Variants in ZNF469 observed in about 807,000 individuals in gnomAD.
ZNF469 encodes zinc finger protein 469.
In ZNF469, 1 loss-of-function variant was observed where a neutral mutation model predicts 1.0. The ratio of observed to expected loss-of-function variants is 1.00; its 90% CI spans 0.35 to 4.73. The LOEUF (loss-of-function observed/expected upper bound fraction) is 4.73, where lower values mean the gene tolerates loss of function less well. ZNF469 is among the 30% of genes most tolerant of loss of function. The probability of loss-of-function intolerance (pLI) is 0.16; values close to 1 mark genes in which losing one functional copy is unlikely to be tolerated. For synonymous variants in ZNF469, 2,703 were observed against 2,363.4 expected (o/e 1.14, Z -4.17); for missense variants, 6,100 against 5,356.3 (o/e 1.14, Z -4.33).
chr16:88,169,531 A>G, the ZNF469 span, among the ~76,000 whole-genome samples: 1 of 152,188 alleles, frequency 6.6e-6, no homozygotes, highest in East Asian at 1.9e-4. The surrounding 1 kb of genome is among the most constrained non-coding windows in gnomAD (Gnocchi z 6.1). Context: ...TCCAGGTTGC[A>G]GCCCATCTCC....
At chr16:88,238,882 C>T in the ZNF469 span, among the ~76,000 whole-genome samples, 17 of 152,238 alleles carry the variant, frequency 1.1e-4, no homozygotes, top group Admixed American at 3.9e-4. Context: ...TCTGAAAGTT[C>T]CTGCCCCTCA....
At chr16:88,421,163 G>C (rs955977669) in intron 1 of ZNF469, among the ~76,000 whole-genome samples, 2 of 152,166 alleles carry the variant, frequency 1.3e-5, no homozygotes, top group African/African-American at 4.8e-5. Flanking sequence ...CAGAAGCGTG[G>C]GGGCAGGAGC....
chr16:88,366,773 C>T, the ZNF469 span, among the ~76,000 whole-genome samples: 14 of 151,876 alleles, frequency 9.2e-5, no homozygotes, highest in Non-Finnish European at 1.8e-4. Context: ...TCACCGCCAT[C>T]GCCACCGTCA....
At chr16:88,300,314 G>A in the ZNF469 span, among the ~76,000 whole-genome samples, 1 of 152,256 alleles carries the variant, frequency 6.6e-6, no homozygotes, top group East Asian at 1.9e-4. Context: ...ATTTACAGTC[G>A]GGAGACCCAA....
chr16:88,359,335 T>C, the ZNF469 span, among the ~76,000 whole-genome samples: 4 of 151,772 alleles, frequency 2.6e-5, no homozygotes, highest in South Asian at 8.3e-4. Flanking sequence ...TGCTATTGTC[T>C]GCTTCTGAGC....
At chr16:88,347,484 G>A in the ZNF469 span, among the ~76,000 whole-genome samples, 1 of 152,136 alleles carries the variant, frequency 6.6e-6, no homozygotes, top group Non-Finnish European at 1.5e-5. Flanking sequence ...GAGAGGCCCG[G>A]AGCAGACCCT....
chr16:88,331,216 TCAC>T, the ZNF469 span, among the ~76,000 whole-genome samples: 124 of 131,722 alleles, frequency 9.4e-4, 1 homozygote, highest in African/African-American at 3.2e-3. Flanking sequence ...ATCACAACCG[TCAC>T]CACCACCACC....
the ZNF469 span, among the ~76,000 whole-genome samples, chr16:88,238,996 G>A: frequency 6.6e-6 from 1 of 152,216 alleles, no homozygotes; most frequent in African/African-American, 2.4e-5. Flanking sequence ...GGCTGGGTGA[G>A]TCACTGCCCC....
chr16:88,123,773 A>G, the ZNF469 span, among the ~76,000 whole-genome samples: 19 of 152,240 alleles, frequency 1.2e-4, no homozygotes, highest in African/African-American at 4.1e-4. Context: ...CCTCTTTGCA[A>G]TCTGTGATGA....
chr16:88,175,341 C>T, the ZNF469 span, among the ~76,000 whole-genome samples: 15 of 152,200 alleles, frequency 9.9e-5, no homozygotes, highest in Non-Finnish European at 1.6e-4. Flanking sequence ...ACCTGAAGAA[C>T]GTTACCAATC....
At chr16:88,221,202 G>A in the ZNF469 span, among the ~76,000 whole-genome samples, 1 of 152,234 alleles carries the variant, frequency 6.6e-6, no homozygotes, top group East Asian at 1.9e-4. Flanking sequence ...TGAGGGCTTC[G>A]GGTAAGGACA....
At chr16:88,276,769 C>G in the ZNF469 span, among the ~76,000 whole-genome samples, 62,809 of 151,950 alleles carry the variant, frequency 0.41, 13,811 homozygotes, top group African/African-American at 0.57. Context: ...TTAGTGCCAC[C>G]CTACGCTGAC....
At chr16:88,180,538 G>A in the ZNF469 span, among the ~76,000 whole-genome samples, 1 of 152,158 alleles carries the variant, frequency 6.6e-6, no homozygotes, top group Non-Finnish European at 1.5e-5. Flanking sequence ...TTGGGAGGCC[G>A]AGGCGGGTGG....
At chr16:88,159,084 C>T in the ZNF469 span, among the ~76,000 whole-genome samples, 1 of 150,752 alleles carries the variant, frequency 6.6e-6, no homozygotes, top group Non-Finnish European at 1.5e-5. Flanking sequence ...ATGGACCACT[C>T]TCACCGTCCT....
chr16:88,306,696 C>A, the ZNF469 span, among the ~76,000 whole-genome samples: 2 of 152,298 alleles, frequency 1.3e-5, no homozygotes, highest in African/African-American at 4.8e-5. Flanking sequence ...GACAGGGCAA[C>A]CCAGGACCCT....
At chr16:88,143,743 C>T in the ZNF469 span, among the ~76,000 whole-genome samples, 1 of 152,258 alleles carries the variant, frequency 6.6e-6, no homozygotes, top group East Asian at 1.9e-4. Flanking sequence ...GTGAACAAGT[C>T]GCAGCCTTGC....
chr16:88,359,310 T>C, the ZNF469 span, among the ~76,000 whole-genome samples: 2 of 152,028 alleles, frequency 1.3e-5, no homozygotes, highest in East Asian at 3.9e-4. Context: ...GGGGGCTCGG[T>C]ATCCTGCCCG....
At position 88,435,058 on chromosome 16, in the gene ZNF469, A is replaced by C; in HGVS notation, c.7588A>C (p.Ser2530Arg). ...AQKCQPPRKK[S>R]HRVSGKERPN... is the part of the protein sequence containing the mutation. ...AAAGTGCCAGCCGCCCAGGAAGAAAAGCCACAGGGTGTCTGGGAAGGAGAG... is the reference window on the plus strand; with the variant it reads ...AAAGTGCCAGCCGCCCAGGAAGAAACGCCACAGGGTGTCTGGGAAGGAGAG... The change falls in exon 3 of 3, where the codon AGC (serine) becomes CGC (arginine). Residue 2530 changes from serine (S) to arginine (R), a missense_variant. Coordinates refer to ENST00000565624, the MANE Select transcript of ZNF469 (RefSeq NM_001367624.2). The C allele has an allele frequency of 6.5e-7, 1 of 1,550,356 alleles. No individual in the cohort carries two copies. Among genetic ancestry groups the C allele is most frequent in the Non-Finnish European group, 8.7e-7 (1 of 1,146,966 alleles).
chr16:88,389,026 T>C (rs1457877657), intron 1 of ZNF469, among the ~76,000 whole-genome samples: 1 of 152,220 alleles, frequency 6.6e-6, no homozygotes, highest in Non-Finnish European at 1.5e-5. Context: ...GCGATAAAGC[T>C]CTCGAGTCAC....
Sources: gnomAD v4.1 joint callset for allele counts (sites outside exome capture counted in the v4.1 genomes callset) on GRCh38, gnomAD v4.1.1 for gene constraint, Gnocchi (gnomAD v3.1) non-coding constraint, MANE v1.5 for transcripts, NCBI Gene and HGNC (gene_info 2026-07-23, HGNC 2026-07-21) for gene names.